The following TBC1D5 variants were observed in gnomAD, a reference collection of about 807,000 sequenced individuals.
The protein encoded by TBC1D5 is TBC1 domain family member 5.
TBC1D5 carries 75 observed loss-of-function variants against 100.3 expected under a neutral mutation model. The ratio of observed to expected loss-of-function variants is 0.75; its 90% CI spans 0.62 to 0.91. The LOEUF (loss-of-function observed/expected upper bound fraction) is 0.91, where lower values mean the gene tolerates loss of function less well. Ranked by LOEUF, TBC1D5 falls within the 40% of genes least tolerant of loss-of-function variation. The pLI is 0.00. For synonymous variants in TBC1D5, 323 were observed against 325.6 expected, an observed-to-expected ratio of 0.99 and a Z score of 0.09; for missense variants, 910 against 942.4, an observed-to-expected ratio of 0.97 and a Z score of 0.45.
At chr3:17,696,731 G>T (rs575427044) in intron 1 of TBC1D5, among the ~76,000 whole-genome samples, 1 of 152,250 alleles carries the variant, frequency 6.6e-6, no homozygotes, top group East Asian at 1.9e-4. Context: ...AGACAAAGAG[G>T]AAATCCTCCC....
chr3:17,301,594 T>G (rs1559586599), intron 14 of TBC1D5, among the ~76,000 whole-genome samples: 1 of 152,138 alleles, frequency 6.6e-6, no homozygotes, highest in Non-Finnish European at 1.5e-5. Context: ...ACAATCTAGT[T>G]GAGGAGATAG....
intron 1 of TBC1D5, among the ~76,000 whole-genome samples, chr3:17,713,208 T>A (rs2074913373): frequency 1.3e-5 from 2 of 151,840 alleles, no homozygotes; most frequent in South Asian, 4.1e-4. Flanking sequence ...CTGGGTATCA[T>A]CAAAATTTTA....
At chr3:17,735,194 G>T (rs1454076464) in intron 1 of TBC1D5, among the ~76,000 whole-genome samples, 1 of 152,130 alleles carries the variant, frequency 6.6e-6, no homozygotes, top group South Asian at 2.1e-4. Context: ...TAGGCACAGA[G>T]GGATATTAGC....
intron 14 of TBC1D5, among the ~76,000 whole-genome samples, chr3:17,295,937 G>T (rs192637416): frequency 2.0e-5 from 3 of 152,252 alleles, no homozygotes; most frequent in East Asian, 3.9e-4. Context: ...TGCAGAGTAG[G>T]TAACAGCACA....
chr3:17,552,310 A>G (rs963590602), intron 2 of TBC1D5, among the ~76,000 whole-genome samples: 2 of 152,176 alleles, frequency 1.3e-5, no homozygotes, highest in Non-Finnish European at 1.5e-5. Flanking sequence ...CTTCAAAATC[A>G]TAATTCAAGT....
At chr3:17,671,070 C>G (rs1005136729) in intron 1 of TBC1D5, among the ~76,000 whole-genome samples, 2 of 152,236 alleles carry the variant, frequency 1.3e-5, no homozygotes, top group Non-Finnish European at 2.9e-5. Context: ...AATTTACCAA[C>G]TCCGTATCTT....
chr3:17,437,342 A>G (rs1043870968), intron 3 of TBC1D5, among the ~76,000 whole-genome samples: 1 of 152,176 alleles, frequency 6.6e-6, no homozygotes, highest in Admixed American at 6.5e-5. Context: ...AAGTATTTCT[A>G]TTTAGTATGA....
chr3:17,600,470 T>C (rs982451733), intron 2 of TBC1D5, among the ~76,000 whole-genome samples: 3 of 152,198 alleles, frequency 2.0e-5, no homozygotes, highest in Non-Finnish European at 2.9e-5. Context: ...TTAAAGGTAT[T>C]CTTCAAAAAC....
intron 2 of TBC1D5, among the ~76,000 whole-genome samples, chr3:17,546,280 T>A (rs2096413960): frequency 6.6e-6 from 1 of 152,180 alleles, no homozygotes. Context: ...CAAAATTATA[T>A]GTAAACTACT....
At chr3:17,695,192 A>C (rs1453380578) in intron 1 of TBC1D5, among the ~76,000 whole-genome samples, 3 of 152,186 alleles carry the variant, frequency 2.0e-5, no homozygotes, top group African/African-American at 4.8e-5. Context: ...CATCAATTAA[A>C]GGGCAAAATA....
chr3:17,284,730 T>A (rs1359113544), intron 15 of TBC1D5, among the ~76,000 whole-genome samples: 1 of 152,228 alleles, frequency 6.6e-6, no homozygotes, highest in Admixed American at 6.5e-5. Context: ...TTAATAAAGA[T>A]TTTCATATTA....
chr3:17,567,393 T>C (rs1181154572), intron 2 of TBC1D5, among the ~76,000 whole-genome samples: 1 of 151,676 alleles, frequency 6.6e-6, no homozygotes, highest in East Asian at 1.9e-4. Context: ...TCTGTTACCA[T>C]CAAAACTATA....
chr3:17,265,222 T>C (rs1030577105), intron 15 of TBC1D5, among the ~76,000 whole-genome samples: 2 of 150,986 alleles, frequency 1.3e-5, no homozygotes, highest in African/African-American at 4.9e-5. Context: ...TATAAAACTA[T>C]AAAAATGATA....
intron 2 of TBC1D5, among the ~76,000 whole-genome samples, chr3:17,600,679 AG>A (rs2060873196): frequency 6.6e-6 from 1 of 152,332 alleles, no homozygotes; most frequent in African/African-American, 2.4e-5. Flanking sequence ...TCTAACCAAA[AG>A]GGGTCATAAC....
At chr3:17,602,412 C>G (rs1459878776) in intron 2 of TBC1D5, among the ~76,000 whole-genome samples, 1 of 152,084 alleles carries the variant, frequency 6.6e-6, no homozygotes, top group Non-Finnish European at 1.5e-5. Flanking sequence ...GTGCTCAGTA[C>G]TAAAAGAAAG....
intron 3 of TBC1D5, among the ~76,000 whole-genome samples, chr3:17,501,009 C>G (rs1256866017): frequency 6.7e-6 from 1 of 149,586 alleles, no homozygotes; most frequent in African/African-American, 2.5e-5. Flanking sequence ...GTTGAAAAAT[C>G]TGTTTTTAAA....
At chr3:17,345,341 A>C (rs1330340055) in intron 13 of TBC1D5, among the ~76,000 whole-genome samples, 1 of 152,234 alleles carries the variant, frequency 6.6e-6, no homozygotes, top group Non-Finnish European at 1.5e-5. Flanking sequence ...ACTGGCCATC[A>C]GAGAAATGCA....
intron 13 of TBC1D5, among the ~76,000 whole-genome samples, chr3:17,357,592 C>T (rs1372551696): frequency 6.6e-6 from 1 of 150,844 alleles, no homozygotes; most frequent in Non-Finnish European, 1.5e-5. Context: ...GACATCACTA[C>T]AAAAAAAAAT....
chr3:17,707,790 C>T (rs2074321966), intron 1 of TBC1D5, among the ~76,000 whole-genome samples: 1 of 151,980 alleles, frequency 6.6e-6, no homozygotes, highest in African/African-American at 2.4e-5. Context: ...ACTTCCTGAA[C>T]AGGAAGAATT....
Sources: allele counts gnomAD v4.1 joint callset (sites outside exome capture counted in the v4.1 genomes callset), GRCh38; gene constraint gnomAD v4.1.1; transcripts MANE v1.5; gene names NCBI Gene and HGNC (gene_info 2026-07-23, HGNC 2026-07-21).